Variants in EPHA6 observed in about 807,000 individuals in gnomAD.
EPHA6 encodes the protein EPH receptor A6.
A neutral mutation model predicts 112.0 loss-of-function variants in EPHA6; 50 were observed. That is an observed-to-expected ratio of 0.45 (90% CI 0.36 to 0.56). The LOEUF is 0.56. Ranked by LOEUF, EPHA6 falls within the 20% of genes least tolerant of loss-of-function variation. The probability of loss-of-function intolerance (pLI) is 0.00; values close to 1 mark genes in which losing one functional copy is unlikely to be tolerated. For synonymous variants in EPHA6, 529 were observed against 490.7 expected, an observed-to-expected ratio of 1.08 and a Z score of -1.03; for missense variants, 1,280 against 1,417.4, an observed-to-expected ratio of 0.90 and a Z score of 1.56.
intron 8 of EPHA6, 108 bp downstream of exon 8, chr3:97,475,568 AG>A (rs2091345841): frequency 1.4e-6 from 1 of 728,574 alleles, no homozygotes; most frequent in Non-Finnish European, 2.2e-6. Flanking sequence ...TGAGGTCGAG[AG>A]GGATCCCATA....
At chr3:97,041,225 CT>C (rs34080331) in intron 3 of EPHA6, among the ~76,000 whole-genome samples, 1 of 152,140 alleles carries the variant, frequency 6.6e-6, no homozygotes, top group African/African-American at 2.4e-5. Context: ...ACAGATACAC[CT>C]TTTTTTAGAG....
intron 1 of EPHA6, among the ~76,000 whole-genome samples, chr3:96,816,864 C>T (rs889658004): frequency 2.0e-5 from 3 of 151,958 alleles, no homozygotes; most frequent in African/African-American, 7.2e-5. Flanking sequence ...TAACCTCTTC[C>T]AGTAATTTTT....
intron 3 of EPHA6, among the ~76,000 whole-genome samples, chr3:97,099,595 C>T (rs1207772148): frequency 1.3e-5 from 2 of 151,776 alleles, no homozygotes. Context: ...TATCTTATCG[C>T]CGAGTGGGAT....
At chr3:97,337,645 G>A (rs2083118857) in intron 5 of EPHA6, among the ~76,000 whole-genome samples, 1 of 152,096 alleles carries the variant, frequency 6.6e-6, no homozygotes, top group African/African-American at 2.4e-5. Flanking sequence ...ACTTATGGTA[G>A]CAAGGAGGAA....
At chr3:97,324,317 G>C (rs2082260874) in intron 5 of EPHA6, among the ~76,000 whole-genome samples, 1 of 151,784 alleles carries the variant, frequency 6.6e-6, no homozygotes. Context: ...TTTAGTCTTT[G>C]GGGACATATT....
At chr3:96,874,071 A>G (rs2036801892) in intron 2 of EPHA6, among the ~76,000 whole-genome samples, 1 of 152,106 alleles carries the variant, frequency 6.6e-6, no homozygotes, top group Non-Finnish European at 1.5e-5. Flanking sequence ...TCATTACGGT[A>G]TAGCTATAAC....
At chr3:97,294,993 T>G (rs1218639717) in intron 5 of EPHA6, among the ~76,000 whole-genome samples, 1 of 152,174 alleles carries the variant, frequency 6.6e-6, no homozygotes, top group Non-Finnish European at 1.5e-5. Flanking sequence ...TGCTTTTCTC[T>G]CACTGTTTTT....
At chr3:96,996,540 C>G (rs1380649991) in intron 3 of EPHA6, among the ~76,000 whole-genome samples, 2 of 152,072 alleles carry the variant, frequency 1.3e-5, no homozygotes, top group African/African-American at 2.4e-5. Flanking sequence ...GGATGTTGTG[C>G]TAGCAGATAT....
At chr3:97,106,504 A>G (rs1050817498) in intron 3 of EPHA6, among the ~76,000 whole-genome samples, 2 of 152,082 alleles carry the variant, frequency 1.3e-5, no homozygotes, top group Non-Finnish European at 2.9e-5. Flanking sequence ...GGGGAAAACA[A>G]CTTTCCTGCT....
intron 3 of EPHA6, among the ~76,000 whole-genome samples, chr3:97,195,868 T>G (rs1262935421): frequency 1.3e-5 from 2 of 152,086 alleles, no homozygotes; most frequent in Non-Finnish European, 2.9e-5. Flanking sequence ...TATTGGAGTT[T>G]TCTTTATGTT....
intron 2 of EPHA6, among the ~76,000 whole-genome samples, chr3:96,946,418 T>C (rs904173047): frequency 6.8e-5 from 10 of 147,990 alleles, no homozygotes; most frequent in African/African-American, 2.5e-4. Context: ...AGTGAGAACA[T>C]GCGGTGTTTC....
chr3:96,927,279 C>A (rs1325201185), intron 2 of EPHA6, among the ~76,000 whole-genome samples: 1 of 152,176 alleles, frequency 6.6e-6, no homozygotes, highest in Admixed American at 6.5e-5. Flanking sequence ...GCCCAGGAAA[C>A]CATTTTTCCC....
At chr3:97,339,396 C>A (rs1306189902) in intron 5 of EPHA6, among the ~76,000 whole-genome samples, 1 of 152,144 alleles carries the variant, frequency 6.6e-6, no homozygotes, top group Non-Finnish European at 1.5e-5. Flanking sequence ...TCACTCCTTC[C>A]TCTTTTATCT....
At chr3:97,013,397 C>G (rs1371572876) in intron 3 of EPHA6, among the ~76,000 whole-genome samples, 1 of 151,956 alleles carries the variant, frequency 6.6e-6, no homozygotes, top group African/African-American at 2.4e-5. Flanking sequence ...CCAGTAGGTT[C>G]TCATGTTTTT....
intron 2 of EPHA6, among the ~76,000 whole-genome samples, chr3:96,894,786 G>T (rs1481412000): frequency 6.6e-6 from 1 of 152,100 alleles, no homozygotes; most frequent in African/African-American, 2.4e-5. Flanking sequence ...TTAAGGATGA[G>T]TGGAATAGGA....
chr3:96,984,726 G>T (rs1181191023), intron 2 of EPHA6, among the ~76,000 whole-genome samples: 2 of 152,296 alleles, frequency 1.3e-5, no homozygotes, highest in Non-Finnish European at 2.9e-5. Flanking sequence ...CCACTGCTTT[G>T]TTTACCTACT....
rs748412670 is a variant in EPHA6, at chr3:96,814,776, G to A, written c.153G>A (p.Ala51=). The A allele has an allele frequency of 1.2e-6, 2 of 1,602,018 alleles. No homozygotes were observed. Among genetic ancestry groups the A allele is most frequent in the East Asian group, 2.3e-5 (1 of 44,366 alleles). Reference sequence around the variant, plus strand: ...GGGGGCGCCCCGGGACACCCCCTGCGGGCCGGGTGGAGGAGGAAGAGGAGG... The same window carrying A: ...GGGGGCGCCCCGGGACACCCCCTGCAGGCCGGGTGGAGGAGGAAGAGGAGG... The part of the protein sequence containing the change: ...SRRGRPGTPP[A]GRVEEEEEEE... Residue 51 remains alanine (A), a synonymous_variant, in exon 1 of 18, where the codon GCG becomes GCA. Transcript: ENST00000389672.
chr3:97,670,770 A>C (rs78544116), intron 14 of EPHA6, among the ~76,000 whole-genome samples: 15 of 152,290 alleles, frequency 9.8e-5, no homozygotes, highest in Non-Finnish European at 2.1e-4. Flanking sequence ...TTCACTATCC[A>C]TATAGGTCCT....
At chr3:97,739,828 ATAGG>A in intron 16 of EPHA6, among the ~76,000 whole-genome samples, 1 of 152,300 alleles carries the variant, frequency 6.6e-6, no homozygotes, top group African/African-American at 2.4e-5. Context: ...CTGTATTAAT[ATAGG>A]CAGTTATCCT....
Sources: gnomAD v4.1 joint callset for allele counts (sites outside exome capture counted in the v4.1 genomes callset) on GRCh38, gnomAD v4.1.1 for gene constraint, MANE v1.5 for transcripts, NCBI Gene and HGNC (gene_info 2026-07-23, HGNC 2026-07-21) for gene names.